Variants in EGFR observed in about 807,000 individuals in gnomAD.
The protein encoded by EGFR is epidermal growth factor receptor.
Under a neutral mutation model 143.0 loss-of-function variants are expected in EGFR, and 58 were observed. The ratio of observed to expected loss-of-function variants is 0.41; its 90% confidence interval spans 0.33 to 0.50. The LOEUF (loss-of-function observed/expected upper bound fraction) is 0.50. Ranked by LOEUF, EGFR falls within the 20% of genes least tolerant of loss-of-function variation. The pLI, the probability that EGFR is intolerant of heterozygous loss-of-function variation, is 0.39. For missense variants in EGFR, 1,307 were observed against 1,579.0 expected, an observed-to-expected ratio of 0.83 and a Z score of 2.92; for synonymous variants, 613 against 594.4, an observed-to-expected ratio of 1.03 and a Z score of -0.45.
chr7:55,194,472 C>T (rs1413835809), intron 22 of EGFR, among the ~76,000 whole-genome samples: 4 of 152,070 alleles, frequency 2.6e-5, no homozygotes, highest in South Asian at 4.1e-4. Context: ...ATGATCTGCC[C>T]GCCTCGGCCT....
At chr7:55,021,785 T>A (rs781083225) in intron 1 of EGFR, among the ~76,000 whole-genome samples, 1 of 152,108 alleles carries the variant, frequency 6.6e-6, no homozygotes, top group Non-Finnish European at 1.5e-5. Context: ...ATTTCATGAG[T>A]CCTAATCCCC....
At chr7:55,106,310 C>T (rs1265488071) in intron 1 of EGFR, among the ~76,000 whole-genome samples, 1 of 152,234 alleles carries the variant, frequency 6.6e-6, no homozygotes, top group Non-Finnish European at 1.5e-5. Flanking sequence ...GGCCCCTCGC[C>T]CTAACTCACA....
rs1785823693 is a variant in EGFR, at chr7:55,163,806, A to G, written c.1705A>G (p.Ile569Val). ...AGAGTGCCTGCCTCAGGCCATGAAC[A>G]TCACCTGCACAGGACGGGTAAGAGC... is the stretch of plus-strand genomic sequence containing the variant. ...HPECLPQAMNITCTGRGPDNC... is the reference protein window; with the variant it reads ...HPECLPQAMNVTCTGRGPDNC... The change falls in exon 14 of 28, where the codon ATC (isoleucine) becomes GTC (valine). Residue 569 changes from isoleucine to valine, a missense_variant. By Grantham distance (29) the Ile-to-Val change is conservative. Transcript: ENST00000275493. 1.2e-6 allele frequency: 2 copies of G among 1,614,214 alleles called. No homozygotes were observed. The highest frequency in any genetic ancestry group is 1.1e-5 in the South Asian group (1 of 91,088).
At chr7:55,178,045 C>G (rs1295264762) in intron 19 of EGFR, among the ~76,000 whole-genome samples, 1 of 152,174 alleles carries the variant, frequency 6.6e-6, no homozygotes, top group Non-Finnish European at 1.5e-5. Context: ...CTCTGTGTGG[C>G]CGACACCCAC....
chr7:55,044,705 T>C (rs971553923), intron 1 of EGFR, among the ~76,000 whole-genome samples: 1 of 152,232 alleles, frequency 6.6e-6, no homozygotes, highest in Non-Finnish European at 1.5e-5. Context: ...CCAGTAACAC[T>C]TGTTTCCCGC....
intron 1 of EGFR, 145 bp downstream of exon 1, chr7:55,019,510 C>G (rs1326062353): frequency 9.0e-6 from 3 of 332,278 alleles, no homozygotes; most frequent in African/African-American, 4.4e-5. Flanking sequence ...GCTGCGCCGC[C>G]GACCGGGACC....
chr7:55,059,240 C>T (rs1300659457), intron 1 of EGFR, among the ~76,000 whole-genome samples: 1 of 152,224 alleles, frequency 6.6e-6, no homozygotes, highest in African/African-American at 2.4e-5. Context: ...GGTATTCATC[C>T]TCAATGCTAG....
intron 3 of EGFR, among the ~76,000 whole-genome samples, 190 bp from the exon 4 acceptor site, chr7:55,146,416 C>T (rs1385900666): frequency 6.6e-6 from 1 of 152,062 alleles, no homozygotes; most frequent in Admixed American, 6.5e-5. Flanking sequence ...AAAACCCTAG[C>T]TCCTCCATGG....
chr7:55,062,562 G>T (rs1304596243), intron 1 of EGFR, among the ~76,000 whole-genome samples: 2 of 152,024 alleles, frequency 1.3e-5, no homozygotes, highest in Admixed American at 6.6e-5. Context: ...AATGTGCATG[G>T]GTTTCTGAAT....
intron 16 of EGFR, 75 bp from the exon 17 acceptor site, chr7:55,172,908 A>G (rs772575267): frequency 5.6e-5 from 91 of 1,613,120 alleles, no homozygotes; most frequent in Non-Finnish European, 7.0e-5. Context: ...TGAAACATGC[A>G]GGGGCGTGTT....
intron 5 of EGFR, 44 bp from the exon 6 acceptor site, chr7:55,152,502 T>C (rs759615551): frequency 2.3e-4 from 350 of 1,552,142 alleles, no homozygotes; most frequent in Non-Finnish European, 4.5e-5. Context: ...GAAATGATCC[T>C]ACCCTCACTC....
intron 1 of EGFR, among the ~76,000 whole-genome samples, chr7:55,037,451 T>A (rs1787654045): frequency 1.3e-5 from 2 of 152,188 alleles, no homozygotes; most frequent in South Asian, 4.1e-4. Context: ...TTCGCTAAAA[T>A]GTGTCTATAT....
At chr7:55,076,357 T>C (rs915841782) in intron 1 of EGFR, among the ~76,000 whole-genome samples, 8 of 152,202 alleles carry the variant, frequency 5.3e-5, no homozygotes, top group African/African-American at 1.9e-4. Flanking sequence ...CTGATGTCCT[T>C]GAGTTTTATT....
At chr7:55,104,232 G>A (rs1584046726) in intron 1 of EGFR, among the ~76,000 whole-genome samples, 1 of 152,204 alleles carries the variant, frequency 6.6e-6, no homozygotes, top group South Asian at 2.1e-4. Context: ...GGCATTGCAG[G>A]CAATTCAGTG....
At chr7:55,193,221 G>A (rs1409890278) in intron 22 of EGFR, among the ~76,000 whole-genome samples, 6 of 152,256 alleles carry the variant, frequency 3.9e-5, no homozygotes, top group South Asian at 2.1e-4. Flanking sequence ...GAATAGTTCC[G>A]GTAGAGAAAT....
At chr7:55,036,059 G>A (rs1787545880) in intron 1 of EGFR, among the ~76,000 whole-genome samples, 1 of 152,056 alleles carries the variant, frequency 6.6e-6, no homozygotes, top group Non-Finnish European at 1.5e-5. Context: ...ATTTTCTTAA[G>A]TGAAATGTTT....
At chr7:55,112,416 T>C (rs1422318948) in intron 1 of EGFR, among the ~76,000 whole-genome samples, 14 of 152,172 alleles carry the variant, frequency 9.2e-5, no homozygotes, top group Non-Finnish European at 4.4e-5. Flanking sequence ...CTCAAACCCA[T>C]CATTTGGAGT....
chr7:55,143,608 C>A (rs568678452), intron 3 of EGFR, 120 bp downstream of exon 3: 1 of 1,125,716 alleles, frequency 8.9e-7, no homozygotes, highest in South Asian at 1.3e-5. Flanking sequence ...ACCCAGTACA[C>A]GTGCACTGAG....
At chr7:55,149,802 G>A (rs1451275639) in intron 4 of EGFR, among the ~76,000 whole-genome samples, 1 of 152,120 alleles carries the variant, frequency 6.6e-6, no homozygotes, top group Admixed American at 6.5e-5. Flanking sequence ...ATAAGAGATT[G>A]GTTGAAAAAA....
Sources: gnomAD v4.1 joint callset for allele counts (sites outside exome capture counted in the v4.1 genomes callset) on GRCh38, gnomAD v4.1.1 for gene constraint, MANE v1.5 for transcripts, NCBI Gene and HGNC (gene_info 2026-07-23, HGNC 2026-07-21) for gene names.